Variants in TTC23 observed in about 807,000 individuals in gnomAD.
The protein encoded by TTC23 is tetratricopeptide repeat protein 23.
A neutral mutation model predicts 55.1 loss-of-function variants in TTC23; 58 were observed. That is an observed-to-expected ratio of 1.05 (90% CI 0.85 to 1.31). TTC23 has a LOEUF of 1.31. Among genes scored for constraint, TTC23 ranks in the 50% most tolerant of loss-of-function variants. The pLI is 0.00. For synonymous variants in TTC23, 203 were observed against 199.9 expected (o/e 1.02, Z -0.13); for missense variants, 516 against 534.4 (o/e 0.97, Z 0.34).
At chr15:99,250,131 A>C (rs888366877), upstream of TTC23, among the ~76,000 whole-genome samples, 1 of 152,184 alleles carries the variant, frequency 6.6e-6, no homozygotes, top group Non-Finnish European at 1.5e-5. Context: ...GCTGACCATT[A>C]AACACCGTAT....
intron 11 of TTC23, chr15:99,159,874 G>A (rs1267467971): frequency 1.3e-5 from 2 of 152,286 alleles, no homozygotes. Context: ...TTGTTAGAGC[G>A]GTCCAGGCAA....
chr15:99,141,514 TTTG>T (rs1406002064), intron 12 of TTC23, among the ~76,000 whole-genome samples: 1 of 152,186 alleles, frequency 6.6e-6, no homozygotes, highest in Non-Finnish European at 1.5e-5. Flanking sequence ...TTCAAAGGTC[TTTG>T]TTATGTTATC....
chr15:99,221,232 T>C (rs569462312), intron 6 of TTC23, among the ~76,000 whole-genome samples: 5 of 152,252 alleles, frequency 3.3e-5, no homozygotes, highest in South Asian at 2.1e-4. Flanking sequence ...GAGAGAAAAA[T>C]TGAATCCTGG....
intron 9 of TTC23, among the ~76,000 whole-genome samples, chr15:99,188,923 A>G (rs900915676): frequency 2.6e-5 from 4 of 152,166 alleles, no homozygotes; most frequent in African/African-American, 9.6e-5. Context: ...TAGAATTCCA[A>G]TAAGACAAAC....
At chr15:99,222,993 T>C (rs2078080835) in intron 5 of TTC23, among the ~76,000 whole-genome samples, 1 of 152,160 alleles carries the variant, frequency 6.6e-6, no homozygotes, top group East Asian at 1.9e-4. Flanking sequence ...CGAGACTCCG[T>C]CTCAAAACAA....
intron 9 of TTC23, among the ~76,000 whole-genome samples, chr15:99,193,253 A>G (rs1274777748): frequency 6.6e-6 from 1 of 152,146 alleles, no homozygotes; most frequent in African/African-American, 2.4e-5. Context: ...AAATGTGAAG[A>G]TATTAGATTT....
chr15:99,226,895 A>G (rs2078486675), intron 5 of TTC23, among the ~76,000 whole-genome samples: 1 of 152,354 alleles, frequency 6.6e-6, no homozygotes, highest in Admixed American at 6.5e-5. Context: ...ATTGCCTCTC[A>G]GGTCCATCAG....
chr15:99,180,269 G>C (rs150047704), intron 9 of TTC23, among the ~76,000 whole-genome samples: 1 of 152,056 alleles, frequency 6.6e-6, no homozygotes, highest in East Asian at 1.9e-4. Flanking sequence ...CAAATCCCTT[G>C]GGGTGCTGGC....
At chr15:99,173,214 C>G (rs2073153561) in intron 10 of TTC23, among the ~76,000 whole-genome samples, 1 of 152,198 alleles carries the variant, frequency 6.6e-6, no homozygotes, top group South Asian at 2.1e-4. Flanking sequence ...TCTTGCTTTC[C>G]AGGTCAAAAG....
At chr15:99,145,906 C>T (rs542809481) in intron 12 of TTC23, among the ~76,000 whole-genome samples, 50 of 152,222 alleles carry the variant, frequency 3.3e-4, no homozygotes, top group African/African-American at 1.1e-3. Flanking sequence ...CCACTGCCAC[C>T]CGCACAACTC....
chr15:99,236,585 T>C (rs1209020661), intron 3 of TTC23, among the ~76,000 whole-genome samples: 1 of 151,710 alleles, frequency 6.6e-6, no homozygotes, highest in Non-Finnish European at 1.5e-5. Context: ...CCTGCCTCAA[T>C]CTCTGTTGCC....
intron 11 of TTC23, chr15:99,161,260 G>A (rs957954906): frequency 4.6e-5 from 7 of 152,798 alleles, no homozygotes; most frequent in Admixed American, 1.3e-4. Context: ...ATTCCCAAGG[G>A]TTTAATTCCC....
chr15:99,138,653 G>A (rs1428274699), intron 13 of TTC23, among the ~76,000 whole-genome samples: 1 of 152,230 alleles, frequency 6.6e-6, no homozygotes, highest in Non-Finnish European at 1.5e-5. Flanking sequence ...TCCTCACTGA[G>A]CTGAGGCCCT....
intron 9 of TTC23, among the ~76,000 whole-genome samples, chr15:99,198,269 C>T (rs1023738376): frequency 2.0e-5 from 3 of 152,200 alleles, no homozygotes; most frequent in Non-Finnish European, 2.9e-5. Context: ...CTCCATCACC[C>T]AGTCACACAC....
chr15:99,229,266 C>T (rs188871988), intron 4 of TTC23, among the ~76,000 whole-genome samples: 51 of 152,204 alleles, frequency 3.4e-4, no homozygotes, highest in Admixed American at 3.3e-3. Context: ...ATTGTTGTTA[C>T]AACTTTTGCT....
At chr15:99,153,600 G>A (rs889950969) in intron 12 of TTC23, among the ~76,000 whole-genome samples, 3 of 152,150 alleles carry the variant, frequency 2.0e-5, no homozygotes, top group Non-Finnish European at 2.9e-5. Context: ...AACATATGAT[G>A]TAACTTATGA....
intron 10 of TTC23, among the ~76,000 whole-genome samples, chr15:99,164,606 A>C (rs2071804455): frequency 6.6e-6 from 1 of 152,196 alleles, no homozygotes; most frequent in Non-Finnish European, 1.5e-5. Flanking sequence ...TTGCTTTTAG[A>C]AATTTCCTCA....
chr15:99,231,940 G>GC (rs895187398), intron 4 of TTC23, among the ~76,000 whole-genome samples: 4 of 151,748 alleles, frequency 2.6e-5, no homozygotes, highest in Admixed American at 2.0e-4. Context: ...TTACAGGCAT[G>GC]CGCCACCATG....
intron 1 of TTC23, among the ~76,000 whole-genome samples, chr15:99,248,683 G>C (rs944737991): frequency 6.6e-5 from 10 of 152,196 alleles, no homozygotes; most frequent in East Asian, 3.8e-4. Flanking sequence ...AGCCTCATTT[G>C]TCCCTGCTCT....
Sources: gnomAD v4.1 joint callset for allele counts (sites outside exome capture counted in the v4.1 genomes callset) on GRCh38, gnomAD v4.1.1 for gene constraint, MANE v1.5 for transcripts, NCBI Gene and HGNC (gene_info 2026-07-23, HGNC 2026-07-21) for gene names.